SLC36A3: variants seen among roughly 807,000 people sequenced by gnomAD.
SLC36A3 encodes the protein proton-coupled amino acid transporter 3.
A neutral mutation model predicts 44.3 loss-of-function variants in SLC36A3; 35 were observed. That is an observed-to-expected ratio of 0.79 (90% confidence interval 0.60 to 1.05). The LOEUF (loss-of-function observed/expected upper bound fraction) is 1.05, where lower values mean the gene tolerates loss of function less well. SLC36A3 is among the 50% of genes least tolerant of loss of function. The probability of loss-of-function intolerance (pLI) is 0.00; values close to 1 mark genes in which losing one functional copy is unlikely to be tolerated. For missense variants in SLC36A3, 540 were observed against 578.7 expected (o/e 0.93, Z 0.69); for synonymous variants, 211 against 227.6 (o/e 0.93, Z 0.66).
chr5:151,297,492 G>T (rs2127271091), intron 2 of SLC36A3: 1 of 152,268 alleles, frequency 6.6e-6, no homozygotes, highest in East Asian at 1.9e-4. Context: ...GATAAGAAAA[G>T]ATTCACTCCA....
At chr5:151,295,337 G>T (rs1026218331) in intron 3 of SLC36A3, among the ~76,000 whole-genome samples, 10 of 152,224 alleles carry the variant, frequency 6.6e-5, no homozygotes, top group African/African-American at 2.4e-4. Context: ...AGGCTTGCAA[G>T]GCTCTTGGCA....
In SLC36A3 at chr5:151,277,515, T is replaced by C; in HGVS notation, c.1291A>G (p.Lys431Glu). 6.2e-7 allele frequency: 1 copy of C among 1,614,216 alleles called. No homozygotes were observed. The highest frequency in any genetic ancestry group is 8.5e-7 in the Non-Finnish European group (1 of 1,180,040). Residue 431 changes from lysine (K) to glutamate (E), a missense_variant, in exon 10 of 10, where the codon AAG (lysine) becomes GAG (glutamate). By Grantham distance (56) the Lys-to-Glu change is moderately conservative. Transcript: ENST00000335230. ...SEDMSCVTIAKDIMISIVGLL... is the reference protein window; with the variant it reads ...SEDMSCVTIAEDIMISIVGLL... ...CCCACGATGCTAATCATGATGTCCTTGGCAATGGTGACACAGCTCATGTCC... is the reference window on the plus strand; with the variant it reads ...CCCACGATGCTAATCATGATGTCCTCGGCAATGGTGACACAGCTCATGTCC...
chr5:151,297,383 T>C (rs1183205200), intron 2 of SLC36A3: 1 of 151,676 alleles, frequency 6.6e-6, no homozygotes, highest in African/African-American at 2.4e-5. Context: ...AAGGGGAGAG[T>C]CCAGTCTCTG....
At chr5:151,279,013 C>T (rs1437593976) in intron 9 of SLC36A3, among the ~76,000 whole-genome samples, 2 of 152,224 alleles carry the variant, frequency 1.3e-5, no homozygotes, top group African/African-American at 4.8e-5. Context: ...TAGGACTTGG[C>T]CCTGACAAAG....
At chr5:151,303,043 C>T (rs1350803772) in intron 1 of SLC36A3, among the ~76,000 whole-genome samples, 184 bp downstream of exon 1, 1 of 152,194 alleles carries the variant, frequency 6.6e-6, no homozygotes, top group South Asian at 2.1e-4. Flanking sequence ...AACTGGGAAA[C>T]AGGGCTAGTA....
intron 2 of SLC36A3, chr5:151,296,840 G>A (rs1322602013): frequency 1.3e-5 from 2 of 154,246 alleles, no homozygotes; most frequent in African/African-American, 2.4e-5. Flanking sequence ...GATTGTAAAG[G>A]TCTTTGGCTA....
At chr5:151,282,474 C>T (rs1479961619) in intron 8 of SLC36A3, among the ~76,000 whole-genome samples, 1 of 151,992 alleles carries the variant, frequency 6.6e-6, no homozygotes, top group Non-Finnish European at 1.5e-5. Context: ...GGCTGTCTCA[C>T]CCAGTATGTC....
intron 1 of SLC36A3, among the ~76,000 whole-genome samples, chr5:151,301,297 T>C (rs780103297): frequency 7.2e-5 from 11 of 152,176 alleles, no homozygotes; most frequent in Non-Finnish European, 1.6e-4. Flanking sequence ...GCTATAAGAT[T>C]GGAAATTACA....
chr5:151,303,658 C>A lies in SLC36A3; in HGVS notation c.-304G>T, dbSNP rs1489636838. ...ACCAGGACTTGCCTGGGCTTTTGGC[C>A]TCTCCTAGTTTAGCCCTTGCTGCTG... is the stretch of plus-strand genomic sequence containing the variant. On this transcript the variant is annotated 5_prime_UTR_variant, in exon 1 of 10. The change creates a new upstream start codon in the 5' untranslated region. Transcript: ENST00000335230. The A allele has an allele frequency of 9.9e-6, 3 of 303,654 alleles. No homozygotes were observed. The highest frequency in any genetic ancestry group is 1.8e-5 in the Non-Finnish European group (3 of 162,824). The allele number at this position is 303,654 out of a possible 1,614,324, so 18.8% of individuals were successfully genotyped here. A position where few individuals can be genotyped will look rare whatever the true frequency, so the allele number is the denominator to read the frequency against.
chr5:151,296,139 G>A, intron 3 of SLC36A3, 41 bp downstream of exon 3: 1 of 1,602,964 alleles, frequency 6.2e-7, no homozygotes. Flanking sequence ...CACCCTCAGA[G>A]GGGCCCCAGT....
At chr5:151,299,131 A>C (rs1755062693) in intron 1 of SLC36A3, among the ~76,000 whole-genome samples, 1 of 151,754 alleles carries the variant, frequency 6.6e-6, no homozygotes, top group African/African-American at 2.4e-5. Context: ...ACTAGAAACA[A>C]AAATCTACCA....
chr5:151,287,348 C>T lies in SLC36A3; in HGVS notation c.606G>A (p.Leu202=). 1 of 1,614,106 alleles carries T rather than the reference C, an allele frequency of 6.2e-7. No individual in the cohort carries two copies. Among genetic ancestry groups the T allele is most frequent in the African/African-American group, 1.3e-5 (1 of 75,016 alleles). Residue 202 remains leucine, a synonymous_variant, in exon 6 of 10, where the codon CTG becomes CTA. Coordinates refer to ENST00000335230, the MANE Select transcript of SLC36A3 (RefSeq NM_181774.4). The part of the protein sequence containing the change: ...YMLIILPFLI[L]LVFIQNLKVL... ...CCTTGAGGTTCTGGATAAACACCAA[C>T]AGGATCAGGAAGGGCAGGATTATCA...
intron 2 of SLC36A3, 72 bp from the exon 3 acceptor site, chr5:151,296,340 T>G (rs778570906): frequency 1.5e-6 from 2 of 1,321,960 alleles, no homozygotes; most frequent in Admixed American, 3.7e-5. Flanking sequence ...TCTCACAGTC[T>G]GCGTGCTGGG....
chr5:151,299,513 C>T (rs1239810483), intron 1 of SLC36A3, among the ~76,000 whole-genome samples: 1 of 151,820 alleles, frequency 6.6e-6, no homozygotes, highest in East Asian at 1.9e-4. Flanking sequence ...GTGCTAGGGC[C>T]TAGGGTTCTA....
At chr5:151,298,525 C>G (rs1391906787) in intron 2 of SLC36A3, 68 bp downstream of exon 2, 4 of 1,480,592 alleles carry the variant, frequency 2.7e-6, no homozygotes, top group African/African-American at 1.4e-5. Context: ...AGTGTGAAGG[C>G]CTTCAGGACC....
chr5:151,299,395 T>A (rs796731906), intron 1 of SLC36A3, among the ~76,000 whole-genome samples: 25 of 134,534 alleles, frequency 1.9e-4, no homozygotes, highest in Middle Eastern at 7.5e-3. Context: ...ATATATATAT[T>A]ATATATATAT....
rs560248373 is a variant in SLC36A3, at chr5:151,298,620, G to A, written c.192C>T (p.Pro64=). ...ACAAGCCGGCATTCTTTATGGCCAG[G>A]GGAAGCCCCAGGAGCCCTGTGCCAA... ...CNIGTGLLGL[P]LAIKNAGLLV... is the part of the protein sequence containing the mutation. Residue 64 remains proline, a synonymous_variant, in exon 2 of 10, where the codon CCC becomes CCT. Transcript: ENST00000335230. The A allele has an allele frequency of 2.0e-5, 33 of 1,614,196 alleles. No individual in the cohort carries two copies. The Admixed American group carries it at 3.8e-4, about 19-fold the overall frequency.
chr5:151,302,238 T>C (rs1755185720), intron 1 of SLC36A3, among the ~76,000 whole-genome samples: 2 of 152,204 alleles, frequency 1.3e-5, no homozygotes, highest in Admixed American at 6.5e-5. Flanking sequence ...TCTAGAAAGA[T>C]ACCAATTTAA....
intron 4 of SLC36A3, among the ~76,000 whole-genome samples, chr5:151,290,066 T>C (rs1669634028): frequency 6.6e-6 from 1 of 152,236 alleles, no homozygotes; most frequent in South Asian, 2.1e-4. Flanking sequence ...TCTCCTCTTT[T>C]TTTTGGCATC....
Sources: gnomAD v4.1 joint callset for allele counts (sites outside exome capture counted in the v4.1 genomes callset) on GRCh38, gnomAD v4.1.1 for gene constraint, MANE v1.5 for transcripts, NCBI Gene and HGNC (gene_info 2026-07-23, HGNC 2026-07-21) for gene names.